TANC1: variants seen among roughly 807,000 people sequenced by gnomAD.
TANC1 encodes the protein protein TANC1.
Under a neutral mutation model 149.7 loss-of-function variants are expected in TANC1, and 77 were observed. The ratio of observed to expected loss-of-function variants is 0.51; its 90% CI spans 0.43 to 0.62. TANC1 has a LOEUF of 0.62. Among genes scored for constraint, TANC1 ranks in the 20% least tolerant of loss-of-function variants. The pLI is 0.00. For synonymous variants in TANC1, 854 were observed against 925.0 expected, an observed-to-expected ratio of 0.92 and a Z score of 1.39; for missense variants, 1,985 against 2,321.8, an observed-to-expected ratio of 0.85 and a Z score of 2.98.
chr2:159,210,095 G>T (rs1482927184), intron 19 of TANC1, among the ~76,000 whole-genome samples: 2 of 152,148 alleles, frequency 1.3e-5, no homozygotes, highest in Non-Finnish European at 2.9e-5. Flanking sequence ...AGCAGGAAGT[G>T]GGTTCTGCAG....
chr2:159,109,344 T>C (rs1192153929), intron 4 of TANC1, among the ~76,000 whole-genome samples: 1 of 152,192 alleles, frequency 6.6e-6, no homozygotes, highest in Non-Finnish European at 1.5e-5. Flanking sequence ...TCTAAGATGT[T>C]ATGGACTGCA....
chr2:159,057,482 T>C (rs1435557246), intron 2 of TANC1, among the ~76,000 whole-genome samples: 27 of 152,212 alleles, frequency 1.8e-4, no homozygotes, highest in Admixed American at 1.8e-3. Context: ...CATTCCTTAA[T>C]TGGAAAATTA....
At chr2:159,034,892 C>T (rs938900301) in intron 2 of TANC1, among the ~76,000 whole-genome samples, 1 of 152,182 alleles carries the variant, frequency 6.6e-6, no homozygotes, top group African/African-American at 2.4e-5. Context: ...CCTGAGTGGT[C>T]TTTGTCACGT....
Position 159,003,472 on chromosome 2 carries a change from G to A in TANC1, c.-16+2283G>A, listed in dbSNP as rs531067119. Among the ~76,000 whole-genome samples the A allele has an allele frequency of 9.8e-4, 149 of 152,248 alleles. 3 individuals are homozygous for A. Among genetic ancestry groups the A allele is most frequent in the African/African-American group, 3.5e-3 (146 of 41,540 alleles). On this transcript the variant is annotated intron_variant, in intron 2 of 26. Transcript: ENST00000263635. ...CAGAAACAGTGCCTGGCTTTTACTA[G>A]GCACTCTAATAAAGGAACTTCATGC...
chr2:159,099,900 G>T (rs1268137913), intron 4 of TANC1, among the ~76,000 whole-genome samples: 9 of 152,182 alleles, frequency 5.9e-5, no homozygotes, highest in African/African-American at 2.2e-4. Flanking sequence ...CTACTGCATT[G>T]GTCCCTATAT....
intron 3 of TANC1, among the ~76,000 whole-genome samples, chr2:159,075,433 A>G (rs797019597): frequency 4.5e-4 from 67 of 149,764 alleles, no homozygotes; most frequent in African/African-American, 1.6e-3. Flanking sequence ...AAAACTGGCC[A>G]GGTGTTGTGG....
At chr2:159,011,527 A>ATTTTTTTT (rs10586189) in intron 2 of TANC1, among the ~76,000 whole-genome samples, 2 of 106,726 alleles carry the variant, frequency 1.9e-5, no homozygotes, top group Non-Finnish European at 3.6e-5. Context: ...TACACCTTAA[A>ATTTTTTTT]TTTTTTTTTT....
intron 4 of TANC1, among the ~76,000 whole-genome samples, chr2:159,128,759 C>T (rs2049762970): frequency 6.6e-6 from 1 of 152,148 alleles, no homozygotes; most frequent in African/African-American, 2.4e-5. Flanking sequence ...ACCTCATTCT[C>T]CTCCCTGACC....
At chr2:159,056,782 TC>T (rs1373847861) in intron 2 of TANC1, 2 of 351,146 alleles carry the variant, frequency 5.7e-6, no homozygotes, top group East Asian at 6.5e-5. Context: ...ACCTTGTTCT[TC>T]CCGTCCATGA....
At chr2:159,209,488 T>C (rs545110684) in intron 19 of TANC1, among the ~76,000 whole-genome samples, 4 of 152,142 alleles carry the variant, frequency 2.6e-5, no homozygotes, top group African/African-American at 4.8e-5. Flanking sequence ...CAAGGCACAT[T>C]GCCTGGCCTT....
At chr2:159,157,935 A>G (rs1315062292) in intron 7 of TANC1, among the ~76,000 whole-genome samples, 1 of 152,190 alleles carries the variant, frequency 6.6e-6, no homozygotes, top group African/African-American at 2.4e-5. Flanking sequence ...GGGAAGGACA[A>G]ATCACTCTCT....
chr2:159,170,372 A>G (rs2055068863), intron 9 of TANC1, 152 bp from the exon 10 acceptor site: 1 of 677,592 alleles, frequency 1.5e-6, no homozygotes, highest in Admixed American at 3.0e-5. Context: ...GTATTACAGA[A>G]GTATTAATAG....
intron 15 of TANC1, 143 bp from the exon 16 acceptor site, chr2:159,186,759 C>G: frequency 1.0e-6 from 1 of 991,338 alleles, no homozygotes. Flanking sequence ...TCCAGGCATT[C>G]TTTGTGTGTG....
rs576864602 is a variant in TANC1, at chr2:159,179,267, A to G, written c.2510+104A>G. Reference sequence around the variant, plus strand: ...TGTCTCAATGGAAGGGCAATCCAGAATGACTAATTCAGTGTTACTGCTTTG... The same window carrying G: ...TGTCTCAATGGAAGGGCAATCCAGAGTGACTAATTCAGTGTTACTGCTTTG... On this transcript the variant is annotated intron_variant, in intron 14 of 26. Coordinates refer to ENST00000263635, the MANE Select transcript of TANC1 (RefSeq NM_033394.3). 1.8e-5 allele frequency: 26 copies of G among 1,413,896 alleles called. No homozygotes were observed. The South Asian group carries it at 3.0e-4, about 16-fold the overall frequency. The allele number at this position is 1,413,896 out of a possible 1,614,324, so 87.6% of individuals were successfully genotyped here.
At chr2:158,999,695 G>C (rs1394388455) in intron 1 of TANC1, among the ~76,000 whole-genome samples, 1 of 152,164 alleles carries the variant, frequency 6.6e-6, no homozygotes, top group Non-Finnish European at 1.5e-5. Flanking sequence ...AGTCTAGATC[G>C]AGGGAGAAAA....
In TANC1 at chr2:159,097,751, G is replaced by A. The variant is rs2149914080; in HGVS notation, c.176G>A (p.Gly59Asp). The A allele has an allele frequency of 1.9e-6, 3 of 1,614,074 alleles. No homozygotes were observed. Among genetic ancestry groups the A allele is most frequent in the Non-Finnish European group, 2.5e-6 (3 of 1,180,014 alleles). ...ACCTATAGGGTGAGCTTGGCCAAAGGTGTCTCGATGTCTCTGCCTTCCTCA... is the reference window on the plus strand; with the variant it reads ...ACCTATAGGGTGAGCTTGGCCAAAGATGTCTCGATGTCTCTGCCTTCCTCA... The part of the protein sequence containing the change: ...EDTYRVSLAK[G>D]VSMSLPSSPL... Residue 59 changes from glycine (G) to aspartate (D), a missense_variant, in exon 4 of 27, where the codon GGT (glycine) becomes GAT (aspartate). Around this residue, in one of 3 missense-constraint regions of TANC1, gnomAD observed 557 missense variants for 612.9 expected, o/e 0.91. Coordinates refer to ENST00000263635, the MANE Select transcript of TANC1 (RefSeq NM_033394.3).
intron 7 of TANC1, among the ~76,000 whole-genome samples, chr2:159,157,533 C>T (rs973408613): frequency 1.3e-5 from 2 of 152,210 alleles, no homozygotes; most frequent in Admixed American, 1.3e-4. Flanking sequence ...GGCCTACAGA[C>T]TTCTGCGCGC....
At chr2:159,054,134 GTC>G (rs945089505) in intron 2 of TANC1, among the ~76,000 whole-genome samples, 6 of 152,148 alleles carry the variant, frequency 3.9e-5, no homozygotes, top group Admixed American at 1.3e-4. Context: ...CTGGGGGCTG[GTC>G]TCTCTTCTTT....
At chr2:159,223,863 G>T (rs546377232) in intron 22 of TANC1, among the ~76,000 whole-genome samples, 191 of 152,302 alleles carry the variant, frequency 1.3e-3, no homozygotes, top group African/African-American at 4.4e-3. Context: ...CTGCTCATTT[G>T]TTAGAGCTCA....
Sources: gnomAD v4.1 joint callset for allele counts (sites outside exome capture counted in the v4.1 genomes callset) on GRCh38, gnomAD v4.1.1 for gene constraint, gnomAD v4.1.1 regional missense constraint, MANE v1.5 for transcripts, NCBI Gene and HGNC (gene_info 2026-07-23, HGNC 2026-07-21) for gene names.